NUP205: variants seen among roughly 807,000 people sequenced by gnomAD.
NUP205 encodes nuclear pore complex protein Nup205.
NUP205 carries 76 observed loss-of-function variants against 253.8 expected under a neutral mutation model. The ratio of observed to expected loss-of-function variants is 0.30; its 90% CI spans 0.25 to 0.36. NUP205 has a LOEUF of 0.36. Ranked by LOEUF, NUP205 falls within the 10% of genes least tolerant of loss-of-function variation. The probability of loss-of-function intolerance (pLI) is 1.00; values close to 1 mark genes in which losing one functional copy is unlikely to be tolerated. For synonymous variants in NUP205, 832 were observed against 850.1 expected, an observed-to-expected ratio of 0.98 and a Z score of 0.37; for missense variants, 2,162 against 2,425.5, an observed-to-expected ratio of 0.89 and a Z score of 2.28.
At position 135,587,903 on chromosome 7, in the gene NUP205, G is replaced by T; in HGVS notation, c.1384G>T (p.Glu462Ter). 6.2e-7 allele frequency: 1 copy of T among 1,613,974 alleles called. No homozygotes were observed. The highest frequency in any genetic ancestry group is 8.5e-7 in the Non-Finnish European group (1 of 1,179,936). The change falls in exon 10 of 43, where the codon GAA (glutamate) becomes TAA (stop). Residue 462 changes from glutamate to a stop codon, truncating the protein, a stop_gained. Transcript: ENST00000285968. LOFTEE classifies it high-confidence loss of function. ...KNPFHLELAL[E>*]YWCPTEPLQT... ...CCCTTTTCATCTGGAGCTTGCTCTA[G>T]AATATTGGTGTCCCACAGAGCCTCT...
intron 31 of NUP205, among the ~76,000 whole-genome samples, chr7:135,624,337 G>A (rs1355049641): frequency 6.6e-6 from 1 of 150,418 alleles, no homozygotes; most frequent in African/African-American, 2.5e-5. Flanking sequence ...GAGTAGCTGG[G>A]ATTACAGGCA....
chr7:135,574,428 G>C (rs1247990119), intron 3 of NUP205, among the ~76,000 whole-genome samples: 6 of 152,128 alleles, frequency 3.9e-5, no homozygotes, highest in African/African-American at 1.4e-4. Context: ...CGTAGAGAAG[G>C]CCTCTCTAAG....
Position 135,615,845 on chromosome 7 carries a change from T to TA in NUP205, c.3311-70dup. The TA allele has an allele frequency of 3.2e-6, 3 of 940,004 alleles. No homozygotes were observed. The South Asian group carries it at 8.2e-5, about 26-fold the overall frequency. The allele number at this position is 940,004 out of a possible 1,614,324, so 58.2% of individuals were successfully genotyped here. On this transcript the variant is annotated intron_variant, in intron 23 of 42. Coordinates refer to ENST00000285968, the MANE Select transcript of NUP205 (RefSeq NM_015135.3). ...TTACATGGGAAAATATCTGTTGAGTTACAGAATTTAAGTCTGTTTTGATAC... is the reference window on the plus strand; with the variant it reads ...TTACATGGGAAAATATCTGTTGAGTTAACAGAATTTAAGTCTGTTTTGATAC...
intron 36 of NUP205, among the ~76,000 whole-genome samples, chr7:135,637,559 A>G (rs145174321): frequency 1.2e-3 from 190 of 152,324 alleles, no homozygotes; most frequent in African/African-American, 4.2e-3. Flanking sequence ...AAACGTGTCC[A>G]TCTTGTGACT....
chr7:135,632,984 G>A (rs573014259), intron 35 of NUP205, among the ~76,000 whole-genome samples: 4 of 151,732 alleles, frequency 2.6e-5, no homozygotes, highest in Non-Finnish European at 5.9e-5. Context: ...ATTTTTGGGG[G>A]GACAGGGTCT....
chr7:135,600,937 A>G lies in NUP205; in HGVS notation c.2342A>G (p.Glu781Gly), dbSNP rs1380480056. The G allele has an allele frequency of 6.2e-7, 1 of 1,610,734 alleles. No individual in the cohort carries two copies. Among genetic ancestry groups the G allele is most frequent in the Non-Finnish European group, 8.5e-7 (1 of 1,177,596 alleles). Reference sequence around the variant, plus strand: ...CTCAGAGATTATGAGCCTCAGCTTGAAGATTTTGTAGACCAGTTTGTGGAA... The same window carrying G: ...CTCAGAGATTATGAGCCTCAGCTTGGAGATTTTGTAGACCAGTTTGTGGAA... The part of the protein sequence containing the change: ...KLLRDYEPQL[E>G]DFVDQFVELQ... The change falls in exon 16 of 43, where the codon GAA (glutamate) becomes GGA (glycine). Residue 781 changes from glutamate (E) to glycine (G), a missense_variant. Physicochemically the swap from Glu to Gly is moderately conservative, Grantham distance 98. Transcript: ENST00000285968.
chr7:135,647,759 ACT>A (rs1226990450), intron 42 of NUP205, among the ~76,000 whole-genome samples: 5 of 152,112 alleles, frequency 3.3e-5, no homozygotes, highest in African/African-American at 1.2e-4. Context: ...ATAATCTCAC[ACT>A]CTGTGTTGTG....
At chr7:135,608,314 G>A (rs999928935) in intron 22 of NUP205, among the ~76,000 whole-genome samples, 2 of 152,022 alleles carry the variant, frequency 1.3e-5, no homozygotes, top group African/African-American at 2.4e-5. Flanking sequence ...ATGAGCCACC[G>A]CGCCTGGCCA....
At chr7:135,599,976 T>G (rs572013293) in intron 15 of NUP205, among the ~76,000 whole-genome samples, 1 of 152,272 alleles carries the variant, frequency 6.6e-6, no homozygotes, top group East Asian at 1.9e-4. Context: ...TTTTGAAAAT[T>G]TTGGAAAATG....
chr7:135,584,210 G>C (rs1476467766), intron 7 of NUP205, among the ~76,000 whole-genome samples: 1 of 152,020 alleles, frequency 6.6e-6, no homozygotes, highest in East Asian at 1.9e-4. Context: ...GTGGAGAGGG[G>C]GAAGATATAG....
At chr7:135,645,175 T>C (rs566444542) in intron 40 of NUP205, among the ~76,000 whole-genome samples, 157 bp downstream of exon 40, 2 of 152,342 alleles carry the variant, frequency 1.3e-5, no homozygotes, top group South Asian at 4.1e-4. Flanking sequence ...ATAGTTTTTG[T>C]TCTTATCTTT....
chr7:135,576,893 G>A (rs1014206028), intron 4 of NUP205, 76 bp from the exon 5 acceptor site: 22 of 1,407,358 alleles, frequency 1.6e-5, no homozygotes, highest in Admixed American at 8.7e-5. Flanking sequence ...AAAAAAGAGC[G>A]TTTGCTATAC....
At chr7:135,638,754 G>A in intron 38 of NUP205, 71 bp downstream of exon 38, 1 of 1,518,304 alleles carries the variant, frequency 6.6e-7, no homozygotes, top group East Asian at 2.3e-5. Flanking sequence ...CTCCAGCTTG[G>A]CTCCAGTAAG....
intron 1 of NUP205, among the ~76,000 whole-genome samples, chr7:135,561,748 CTTT>C (rs1167075861): frequency 6.6e-6 from 1 of 152,134 alleles, no homozygotes; most frequent in African/African-American, 2.4e-5. Flanking sequence ...CCTGTTACCC[CTTT>C]TTTTGTCTTG....
At chr7:135,603,337 A>G (rs1204779443) in intron 18 of NUP205, among the ~76,000 whole-genome samples, 2 of 148,854 alleles carry the variant, frequency 1.3e-5, no homozygotes, top group African/African-American at 2.5e-5. Context: ...CTGGTCTTGA[A>G]CTCCTGACCT....
At position 135,571,114 on chromosome 7, in the gene NUP205, T is replaced by C. The variant is rs759867097; in HGVS notation, c.38T>C (p.Leu13Pro). 2 of 1,554,478 alleles carry C rather than the reference T, an allele frequency of 1.3e-6. No individual in the cohort carries two copies. Among genetic ancestry groups the C allele is most frequent in the South Asian group, 2.4e-5 (2 of 84,162 alleles). ...TTATTTTTTCTTTAAGCTGCTAGTC[T>C]ATGGGGTCCTTACAAAGACATTTGG... ...TPLAVNSAAS[L>P]WGPYKDIWHK... Residue 13 changes from leucine (L) to proline (P), a missense_variant, in exon 2 of 43, where the codon CTA (leucine) becomes CCA (proline). Leu to Pro is a moderately conservative substitution (Grantham distance 98). Transcript: ENST00000285968.
intron 38 of NUP205, among the ~76,000 whole-genome samples, 192 bp from the exon 39 acceptor site, chr7:135,643,000 C>T (rs1794943094): frequency 6.6e-6 from 1 of 152,116 alleles, no homozygotes; most frequent in Non-Finnish European, 1.5e-5. Context: ...TATGTATGTA[C>T]CTGATTACAG....
intron 34 of NUP205, among the ~76,000 whole-genome samples, chr7:135,629,602 C>T (rs1306350499): frequency 6.6e-6 from 1 of 151,632 alleles, no homozygotes; most frequent in Non-Finnish European, 1.5e-5. Context: ...TTCCAGCTCA[C>T]TGCAACCTCC....
intron 7 of NUP205, among the ~76,000 whole-genome samples, chr7:135,580,607 C>T (rs946782307): frequency 1.2e-4 from 18 of 151,934 alleles, no homozygotes; most frequent in Admixed American, 2.6e-4. Flanking sequence ...GGACTATAGT[C>T]GCACGCCGCC....
Sources: allele counts gnomAD v4.1 joint callset (sites outside exome capture counted in the v4.1 genomes callset), GRCh38; gene constraint gnomAD v4.1.1; transcripts MANE v1.5; gene names NCBI Gene and HGNC (gene_info 2026-07-23, HGNC 2026-07-21).